GLRA3: variants seen among roughly 807,000 people sequenced by gnomAD.
GLRA3 encodes glycine receptor subunit alpha-3.
Under a neutral mutation model 60.4 loss-of-function variants are expected in GLRA3, and 44 were observed. The ratio of observed to expected loss-of-function variants is 0.73; its 90% CI spans 0.57 to 0.94. GLRA3 has a LOEUF of 0.94. Ranked by LOEUF, GLRA3 falls within the 40% of genes least tolerant of loss-of-function variation. The pLI, the probability that GLRA3 is intolerant of heterozygous loss-of-function variation, is 0.00. For missense variants in GLRA3, 508 were observed against 564.6 expected, an observed-to-expected ratio of 0.90 and a Z score of 1.02; for synonymous variants, 223 against 192.9, an observed-to-expected ratio of 1.16 and a Z score of -1.29.
chr4:174,808,403 G>T (rs1037502496), intron 1 of GLRA3, among the ~76,000 whole-genome samples: 6 of 152,004 alleles, frequency 3.9e-5, no homozygotes, highest in African/African-American at 1.4e-4. Context: ...TTGTTGTGAT[G>T]CTGGTATAAA....
chr4:174,747,490 A>C (rs1052203132), intron 3 of GLRA3, among the ~76,000 whole-genome samples: 1 of 152,106 alleles, frequency 6.6e-6, no homozygotes, highest in Non-Finnish European at 1.5e-5. Flanking sequence ...AAATGACAAG[A>C]TCTTATTTGA....
Position 174,641,814 on chromosome 4 carries a change from T to G in GLRA3, c.*1972A>C, listed in dbSNP as rs560059862. 1 of 152,032 alleles carries G rather than the reference T, an allele frequency of 6.6e-6. No individual in the cohort carries two copies. The highest frequency in any genetic ancestry group is 2.4e-5 in the African/African-American group (1 of 41,464). The allele number at this position is 152,032 out of a possible 1,614,324, so 9.4% of individuals were successfully genotyped here. A position where few individuals can be genotyped will look rare whatever the true frequency, so the allele number is the denominator to read the frequency against. ...GATGTGGAAAGTATAGAAAAACGTA[T>G]TCAGGTATTTCAGAGACACATCGAG... is the stretch of plus-strand genomic sequence containing the variant. On this transcript the variant is annotated 3_prime_UTR_variant, in exon 10 of 10. Coordinates refer to ENST00000274093, the MANE Select transcript of GLRA3 (RefSeq NM_006529.4).
Position 174,677,367 on chromosome 4 carries a change from C to CT in GLRA3, c.713-76dup, listed in dbSNP as rs1018797499. The stretch of plus-strand genomic sequence containing the variant: ...TACGGCATCAAATATCACAATTTCT[C>CT]TTTTTTTTTTGAGACAGGGTCTCAC... On this transcript the variant is annotated intron_variant, in intron 6 of 9. Coordinates refer to ENST00000274093, the MANE Select transcript of GLRA3 (RefSeq NM_006529.4). 6,674 of 705,470 alleles carry CT rather than the reference C, an allele frequency of 9.5e-3. 3 individuals carry two copies. Among genetic ancestry groups the CT allele is most frequent in the African/African-American group, 0.017 (944 of 54,724 alleles). 43.7% of individuals were successfully genotyped at this position (705,470 alleles called of 1,614,324 possible). A position where few individuals can be genotyped will look rare whatever the true frequency, so the allele number is the denominator to read the frequency against.
chr4:174,779,031 C>T (rs868822164), intron 2 of GLRA3, among the ~76,000 whole-genome samples: 26 of 152,184 alleles, frequency 1.7e-4, no homozygotes, highest in Non-Finnish European at 2.6e-4. Flanking sequence ...CACAGACAAA[C>T]AAAAAGACAG....
chr4:174,820,177 T>C (rs1740684455), intron 1 of GLRA3, among the ~76,000 whole-genome samples: 1 of 152,144 alleles, frequency 6.6e-6, no homozygotes, highest in South Asian at 2.1e-4. Flanking sequence ...CTAGACATTT[T>C]TCCCTGAAAA....
chr4:174,798,239 G>A (rs1333525115), intron 1 of GLRA3, among the ~76,000 whole-genome samples: 3 of 152,128 alleles, frequency 2.0e-5, no homozygotes, highest in Non-Finnish European at 4.4e-5. Flanking sequence ...GAAGGTTTAG[G>A]GTATGATGGA....
Position 174,662,040 on chromosome 4 carries a change from T to C in GLRA3, c.928-2843A>G, listed in dbSNP as rs188542527. Among the ~76,000 whole-genome samples, 59 of 152,332 alleles carry C rather than the reference T, an allele frequency of 3.9e-4. 1 individual carries two copies. The East Asian group carries it at 7.7e-3, about 20-fold the overall frequency. On this transcript the variant is annotated intron_variant, in intron 7 of 9. Transcript: ENST00000274093. The stretch of plus-strand genomic sequence containing the variant: ...TTGAGGTTGTAGCTGAACTCATATC[T>C]GTGTATATGTCCATTGCTCAAGGTT...
chr4:174,666,569 A>G (rs927908062), intron 7 of GLRA3, among the ~76,000 whole-genome samples: 2 of 151,878 alleles, frequency 1.3e-5, no homozygotes, highest in African/African-American at 2.4e-5. Context: ...TATTGCAAGG[A>G]CTAGTCTTTT....
chr4:174,696,238 C>T (rs907360557), intron 5 of GLRA3, among the ~76,000 whole-genome samples: 11 of 151,240 alleles, frequency 7.3e-5, no homozygotes, highest in South Asian at 6.2e-4. Context: ...AAAGGAGTGA[C>T]GCAAAAAGAA....
intron 4 of GLRA3, among the ~76,000 whole-genome samples, chr4:174,719,051 C>CT (rs1257640711): frequency 2.0e-5 from 3 of 150,804 alleles, no homozygotes; most frequent in Non-Finnish European, 4.4e-5. Flanking sequence ...CAGGCTCCGC[C>CT]CCCTGGGGTT....
chr4:174,684,559 T>C (rs1734479418), intron 5 of GLRA3, among the ~76,000 whole-genome samples: 1 of 152,234 alleles, frequency 6.6e-6, no homozygotes, highest in Non-Finnish European at 1.5e-5. Context: ...TTGAAATGTA[T>C]GTTTAAAGAC....
chr4:174,828,784 A>C lies in GLRA3; in HGVS notation c.28T>G (p.Leu10Val), dbSNP rs775148810. The part of the protein sequence containing the change: MAHVRHFRT[L>V]VSGFYFWEAA... ...TCCCAGAAGTAAAATCCCGAAACTA[A>C]TGTCCGAAAGTGTCTCACGTGGGCC... is the stretch of plus-strand genomic sequence containing the variant. Residue 10 changes from leucine to valine, a missense_variant, in exon 1 of 10, where the codon TTA becomes GTA. By Grantham distance (32) the Leu-to-Val change is conservative. Coordinates refer to ENST00000274093, the MANE Select transcript of GLRA3 (RefSeq NM_006529.4). The C allele has an allele frequency of 6.2e-7, 1 of 1,612,058 alleles. No individual in the cohort carries two copies. The highest frequency in any genetic ancestry group is 2.2e-5 in the East Asian group (1 of 44,870).
At chr4:174,698,867 C>T (rs1735178609) in intron 5 of GLRA3, among the ~76,000 whole-genome samples, 2 of 152,076 alleles carry the variant, frequency 1.3e-5, no homozygotes, top group South Asian at 4.1e-4. Context: ...ATTTAATACA[C>T]AGTATAATAA....
intron 5 of GLRA3, among the ~76,000 whole-genome samples, chr4:174,708,182 G>A (rs1735582545): frequency 6.6e-6 from 1 of 152,052 alleles, no homozygotes. Context: ...TTATGAAAGA[G>A]CTTGGATAAG....
Position 174,656,785 on chromosome 4 carries a change from T to G in GLRA3, c.1074A>C (p.Thr358=), listed in dbSNP as rs759437653. The G allele has an allele frequency of 6.3e-7, 1 of 1,578,352 alleles. No individual in the cohort carries two copies. The highest frequency in any genetic ancestry group is 8.7e-7 in the Non-Finnish European group (1 of 1,147,774). The change falls in exon 9 of 10, where the codon ACA becomes ACC. Residue 358 remains threonine (T), a splice_region_variant and synonymous_variant. Transcript: ENST00000274093. ...LRFRRKRKNK[T]EAFALEKFYR... ...AAAACTTCTCCAGTGCAAAAGCTTC[T>G]GTCTGTGGGAAGGTAAAGTGGACCA... is the stretch of plus-strand genomic sequence containing the variant.
intron 7 of GLRA3, among the ~76,000 whole-genome samples, chr4:174,664,928 C>T (rs776154670): frequency 6.6e-5 from 10 of 152,156 alleles, no homozygotes; most frequent in Middle Eastern, 3.2e-3. Flanking sequence ...GAAAGACAGA[C>T]AAGCTCTATT....
In GLRA3 at chr4:174,643,969, G is replaced by A. The variant is rs1447188972; in HGVS notation, c.1212C>T (p.Asn404=). The A allele has an allele frequency of 2.5e-6, 4 of 1,613,840 alleles. No homozygotes were observed. The highest frequency in any genetic ancestry group is 3.3e-5 in the Admixed American group (2 of 60,002). The stretch of plus-strand genomic sequence containing the variant: ...TTTTTGGCATTACCTGGACAGGGTG[G>A]TTGGGGCCCTTTGGAGTCATGCCAT... The part of the protein sequence containing the change: ...AKDGMTPKGP[N]HPVQVMPKSP... Residue 404 remains asparagine, a synonymous_variant, in exon 10 of 10, where the codon AAC becomes AAT. Transcript: ENST00000274093.
At chr4:174,775,211 A>T (rs1382835119) in intron 2 of GLRA3, among the ~76,000 whole-genome samples, 1 of 152,180 alleles carries the variant, frequency 6.6e-6, no homozygotes, top group African/African-American at 2.4e-5. Context: ...ATTTTCAAAA[A>T]TAATTGTAAA....
intron 7 of GLRA3, among the ~76,000 whole-genome samples, chr4:174,662,823 GTTTTTTTTTTTTTCTTT>G (rs1733504465): frequency 7.8e-6 from 1 of 127,526 alleles, no homozygotes; most frequent in African/African-American, 2.9e-5. Context: ...GTTATTCCTT[GTTTTTTTTTTTTTCTTT>G]TTTTTTTTTT....
Sources: allele counts gnomAD v4.1 joint callset (sites outside exome capture counted in the v4.1 genomes callset), GRCh38; gene constraint gnomAD v4.1.1; transcripts MANE v1.5; gene names NCBI Gene and HGNC (gene_info 2026-07-23, HGNC 2026-07-21).